MPPED1: variants seen among roughly 807,000 people sequenced by gnomAD.
MPPED1 encodes metallophosphoesterase domain-containing protein 1.
MPPED1 carries 16 observed loss-of-function variants against 36.2 expected under a neutral mutation model. That is an observed-to-expected ratio of 0.44 (90% confidence interval 0.30 to 0.67). The LOEUF (loss-of-function observed/expected upper bound fraction) is 0.67. Ranked by LOEUF, MPPED1 falls within the 30% of genes least tolerant of loss-of-function variation. The pLI is 0.10. For missense variants in MPPED1, 307 were observed against 453.4 expected (o/e 0.68, Z 2.93); for synonymous variants, 199 against 191.3 (o/e 1.04, Z -0.33).
At position 43,424,984 on chromosome 22, in the gene MPPED1, C is replaced by T; in HGVS notation, c.-2C>T. The T allele has an allele frequency of 6.3e-7, 1 of 1,588,944 alleles. No individual in the cohort carries two copies. The highest frequency in any genetic ancestry group is 8.6e-7 in the Non-Finnish European group (1 of 1,169,046). On this transcript the variant is annotated 5_prime_UTR_variant, in exon 2 of 7. Transcript: ENST00000443721. ...AGATGCCGGGGCGGCCGGCGGAGGT[C>T]CATGTGGCGCTCTAGGTGGGATGCC...
chr22:43,484,642 G>T (rs1931853709), intron 4 of MPPED1, among the ~76,000 whole-genome samples: 1 of 152,238 alleles, frequency 6.6e-6, no homozygotes, highest in African/African-American at 2.4e-5. Context: ...TGCGGCTGGG[G>T]TATTGTGGAG....
chr22:43,460,828 A>G (rs764092511), intron 3 of MPPED1, among the ~76,000 whole-genome samples: 12 of 152,094 alleles, frequency 7.9e-5, no homozygotes, highest in Non-Finnish European at 1.6e-4. Context: ...GAGGTGAGTG[A>G]TGAGGGCCCC....
At chr22:43,495,169 CAG>C (rs1932219866) in intron 4 of MPPED1, among the ~76,000 whole-genome samples, 1 of 124,384 alleles carries the variant, frequency 8.0e-6, no homozygotes, top group Admixed American at 7.9e-5. Flanking sequence ...GTAGTGATGA[CAG>C]AGGTGTGATG....
At chr22:43,492,103 A>C (rs371753808) in intron 4 of MPPED1, among the ~76,000 whole-genome samples, 10 of 152,006 alleles carry the variant, frequency 6.6e-5, no homozygotes, top group Admixed American at 6.6e-5. Flanking sequence ...GGGATGATGA[A>C]CTTGCAATGT....
rs1205513095 is a variant in MPPED1 at position 43,507,210 on chromosome 22, C to T, written c.*1594C>T. 3 of 152,206 alleles carry T rather than the reference C, an allele frequency of 2.0e-5. No homozygotes were observed. Among genetic ancestry groups the T allele is most frequent in the African/African-American group, 4.8e-5 (2 of 41,444 alleles). 9.4% of individuals were successfully genotyped at this position (152,206 alleles called of 1,614,324 possible). ...TCACTGCCCTCACTTTGCCATGACC[C>T]GAAGTTATGTCCCTACAAAGCAATG... On this transcript the variant is annotated 3_prime_UTR_variant, in exon 7 of 7. Transcript: ENST00000443721.
chr22:43,481,539 G>A (rs1169301975), intron 4 of MPPED1, among the ~76,000 whole-genome samples: 1 of 152,190 alleles, frequency 6.6e-6, no homozygotes, highest in Non-Finnish European at 1.5e-5. Context: ...GAATGAATGA[G>A]TGGATGAGTG....
chr22:43,505,367 C>A lies in MPPED1; in HGVS notation c.863-131C>A. The stretch of plus-strand genomic sequence containing the variant: ...TCCATTTTACAGATGAAGGGACTGA[C>A]CTCGAGAGTTTACCAGCTTGCCCCA... On this transcript the variant is annotated intron_variant, in intron 6 of 6. Transcript: ENST00000443721. The A allele has an allele frequency of 5.9e-6, 4 of 678,858 alleles. No homozygotes were observed. The South Asian group carries it at 7.4e-5, about 13-fold the overall frequency. 42.1% of individuals were successfully genotyped at this position (678,858 alleles called of 1,614,324 possible).
At chr22:43,481,214 G>A (rs897687589) in intron 4 of MPPED1, among the ~76,000 whole-genome samples, 5 of 152,216 alleles carry the variant, frequency 3.3e-5, no homozygotes, top group African/African-American at 1.2e-4. Context: ...GATGGTGTGA[G>A]ATAGGGATCT....
chr22:43,447,883 A>ATATATATATATATATATATATAT (rs1321289636), intron 3 of MPPED1, among the ~76,000 whole-genome samples: 8 of 67,700 alleles, frequency 1.2e-4, no homozygotes, highest in Admixed American at 2.1e-4. Flanking sequence ...ATATATATAT[A>ATATATATATATATATATATATAT]TTTTTTTTTT....
At chr22:43,466,734 G>T (rs1931185807) in intron 3 of MPPED1, among the ~76,000 whole-genome samples, 1 of 152,134 alleles carries the variant, frequency 6.6e-6, no homozygotes, top group African/African-American at 2.4e-5. Flanking sequence ...GACAGTTAGG[G>T]ACAGCCCTCA....
intron 2 of MPPED1, among the ~76,000 whole-genome samples, chr22:43,432,430 G>T (rs973910527): frequency 7.9e-6 from 1 of 126,044 alleles, no homozygotes; most frequent in African/African-American, 3.0e-5. Context: ...GAGAGAGAAA[G>T]GGAGGAGAGA....
chr22:43,432,841 G>T (rs71329191), intron 2 of MPPED1, among the ~76,000 whole-genome samples: 7 of 57,534 alleles, frequency 1.2e-4, no homozygotes, highest in African/African-American at 2.6e-4. Context: ...GAGAGAGAGA[G>T]AAAGGGAGGA....
intron 4 of MPPED1, among the ~76,000 whole-genome samples, chr22:43,486,674 C>G (rs901979755): frequency 5.3e-5 from 8 of 151,964 alleles, no homozygotes; most frequent in Non-Finnish European, 1.2e-4. Flanking sequence ...TGGTGGCCAC[C>G]CCAGCAGGCA....
chr22:43,453,475 T>C (rs1930645211), intron 3 of MPPED1, among the ~76,000 whole-genome samples: 1 of 152,030 alleles, frequency 6.6e-6, no homozygotes, highest in Non-Finnish European at 1.5e-5. Flanking sequence ...AATTTCCTGG[T>C]GAGTTGGAAC....
Position 43,412,018 on chromosome 22 carries a change from G to A in MPPED1, c.-219G>A, listed in dbSNP as rs1267847689. On this transcript the variant is annotated 5_prime_UTR_variant, in exon 1 of 7. Transcript: ENST00000443721. Reference sequence around the variant, plus strand: ...CGAAGGAGGAGTCTGGCTCCCACTTGCAGCCTCGGACGCGCGGCGAGGCGG... The same window carrying A: ...CGAAGGAGGAGTCTGGCTCCCACTTACAGCCTCGGACGCGCGGCGAGGCGG... The A allele has an allele frequency of 6.1e-6, 6 of 978,898 alleles. No homozygotes were observed. The highest frequency in any genetic ancestry group is 7.3e-6 in the Non-Finnish European group (6 of 827,398). The allele number at this position is 978,898 out of a possible 1,614,324, so 60.6% of individuals were successfully genotyped here. A position where few individuals can be genotyped will look rare whatever the true frequency, so the allele number is the denominator to read the frequency against.
At chr22:43,495,489 A>AAGT (rs1193574349) in intron 4 of MPPED1, among the ~76,000 whole-genome samples, 1 of 10,480 alleles carries the variant, frequency 9.5e-5, no homozygotes, top group African/African-American at 8.9e-4. Flanking sequence ...GTGGTGGTGG[A>AAGT]GGTAGTGGTG....
At chr22:43,424,707 C>G (rs1046402721) in intron 1 of MPPED1, among the ~76,000 whole-genome samples, 1 of 151,990 alleles carries the variant, frequency 6.6e-6, no homozygotes, top group Non-Finnish European at 1.5e-5. Context: ...TGTCCCCTCC[C>G]TCCCTTCCCT....
rs1932709366 is a variant in MPPED1, at chr22:43,500,760, C to A, written c.749-1884C>A. The stretch of plus-strand genomic sequence containing the variant: ...CCTGGGTTGGAGGGCCCCCAGGCTG[C>A]AGGGTAGAGGGTTCAGGAACAGCCA... On this transcript the variant is annotated intron_variant, in intron 5 of 6. Coordinates refer to ENST00000443721, the MANE Select transcript of MPPED1 (RefSeq NM_001044370.2). 2.6e-5 allele frequency among the ~76,000 whole-genome samples: 4 copies of A among 152,150 alleles called. No individual in the cohort carries two copies. The South Asian group carries it at 8.3e-4, about 32-fold the overall frequency.
chr22:43,442,730 A>C (rs773559710), intron 3 of MPPED1, among the ~76,000 whole-genome samples: 3 of 152,080 alleles, frequency 2.0e-5, no homozygotes, highest in Non-Finnish European at 4.4e-5. Context: ...TGCCCTCATC[A>C]GCCAGCTGGC....
Sources: allele counts gnomAD v4.1 joint callset (sites outside exome capture counted in the v4.1 genomes callset), GRCh38; gene constraint gnomAD v4.1.1; transcripts MANE v1.5; gene names NCBI Gene and HGNC (gene_info 2026-07-23, HGNC 2026-07-21).